Variants in CTNNA2 observed in about 807,000 individuals in gnomAD.
CTNNA2 encodes the protein catenin alpha 2.
CTNNA2 carries 42 observed loss-of-function variants against 101.0 expected under a neutral mutation model. The ratio of observed to expected loss-of-function variants is 0.42; its 90% CI spans 0.32 to 0.54. The LOEUF (loss-of-function observed/expected upper bound fraction) is 0.54. Ranked by LOEUF, CTNNA2 falls within the 20% of genes least tolerant of loss-of-function variation. The pLI, the probability that CTNNA2 is intolerant of heterozygous loss-of-function variation, is 0.14. For synonymous variants in CTNNA2, 450 were observed against 456.4 expected, an observed-to-expected ratio of 0.99 and a Z score of 0.18; for missense variants, 871 against 1,223.1, an observed-to-expected ratio of 0.71 and a Z score of 4.29.
chr2:80,557,187 T>A (rs1693121278), intron 12 of CTNNA2, among the ~76,000 whole-genome samples: 1 of 152,136 alleles, frequency 6.6e-6, no homozygotes, highest in South Asian at 2.1e-4. Flanking sequence ...AGACTTAGAC[T>A]TAGACATAAT....
intron 7 of CTNNA2, among the ~76,000 whole-genome samples, chr2:80,324,076 C>A (rs1345244679): frequency 2.0e-5 from 3 of 152,114 alleles, no homozygotes; most frequent in African/African-American, 7.2e-5. Context: ...ATTAATCCTC[C>A]CCCTACCCCC....
rs558544485 is a variant in CTNNA2, at chr2:79,513,056, A to C, written c.-157A>C. On this transcript the variant is annotated 5_prime_UTR_variant, in exon 1 of 19. Coordinates refer to ENST00000402739, the MANE Select transcript of CTNNA2 (RefSeq NM_001282597.3). ...GGAGACCCAGGCGGGCGGGCAGAGC[A>C]GGCGGCACCGCACCTCGGCCAGAGG... 2.6e-4 allele frequency: 39 copies of C among 152,432 alleles called. No homozygotes were observed. Among genetic ancestry groups the C allele is most frequent in the African/African-American group, 9.2e-4 (38 of 41,524 alleles). 9.4% of individuals were successfully genotyped at this position (152,432 alleles called of 1,614,324 possible).
chr2:79,933,281 T>C (rs1337585265), intron 7 of CTNNA2, among the ~76,000 whole-genome samples: 1 of 152,168 alleles, frequency 6.6e-6, no homozygotes, highest in African/African-American at 2.4e-5. Context: ...GGATATTTAT[T>C]GTGTACCCAC....
At chr2:79,663,544 G>T (rs1218088157) in intron 2 of CTNNA2, among the ~76,000 whole-genome samples, 1 of 152,154 alleles carries the variant, frequency 6.6e-6, no homozygotes, top group Non-Finnish European at 1.5e-5. Context: ...ATGGGCGGAT[G>T]CTGCCCTTCT....
intron 7 of CTNNA2, among the ~76,000 whole-genome samples, chr2:79,953,486 T>C (rs909184864): frequency 6.6e-6 from 1 of 152,188 alleles, no homozygotes; most frequent in Non-Finnish European, 1.5e-5. Context: ...CCAATTTGTA[T>C]GACTGTTTGC....
intron 7 of CTNNA2, among the ~76,000 whole-genome samples, chr2:80,334,965 C>A (rs769498966): frequency 2.6e-5 from 4 of 152,066 alleles, no homozygotes; most frequent in Non-Finnish European, 5.9e-5. Flanking sequence ...GAGTAGTTCC[C>A]AATAAGTTAT....
At chr2:80,137,676 G>C (rs558183622) in intron 7 of CTNNA2, among the ~76,000 whole-genome samples, 1 of 152,102 alleles carries the variant, frequency 6.6e-6, no homozygotes, top group South Asian at 2.1e-4. Context: ...ATACTCAGAC[G>C]TAGGACCATG....
At chr2:80,197,462 A>G (rs1457489097) in intron 7 of CTNNA2, among the ~76,000 whole-genome samples, 1 of 152,318 alleles carries the variant, frequency 6.6e-6, no homozygotes, top group South Asian at 2.1e-4. Context: ...CAGTCTCAAT[A>G]TAAGGCAGAT....
At chr2:80,130,846 G>A (rs2148894040) in intron 7 of CTNNA2, among the ~76,000 whole-genome samples, 1 of 151,530 alleles carries the variant, frequency 6.6e-6, no homozygotes, top group East Asian at 1.9e-4. Flanking sequence ...AATAGGGGAT[G>A]GAAATAGAAA....
chr2:80,198,388 G>T (rs1426700023), intron 7 of CTNNA2, among the ~76,000 whole-genome samples: 3 of 152,220 alleles, frequency 2.0e-5, no homozygotes, highest in Non-Finnish European at 2.9e-5. Context: ...GAAGATGAAA[G>T]AAATTAGTAT....
chr2:79,603,720 T>G (rs1295580812), intron 1 of CTNNA2, among the ~76,000 whole-genome samples: 1 of 152,136 alleles, frequency 6.6e-6, no homozygotes, highest in Non-Finnish European at 1.5e-5. Flanking sequence ...TGCCTGAAAT[T>G]GTTGGTGGCA....
chr2:79,770,192 G>T (rs933114775), intron 3 of CTNNA2, among the ~76,000 whole-genome samples: 2 of 152,138 alleles, frequency 1.3e-5, no homozygotes, highest in South Asian at 2.1e-4. Flanking sequence ...TCACAGCAAA[G>T]AATTATCTAG....
chr2:79,217,273 A>G (rs1301664496), intron 2 of CTNNA2, among the ~76,000 whole-genome samples: 1 of 152,200 alleles, frequency 6.6e-6, no homozygotes, highest in African/African-American at 2.4e-5. Context: ...TGATCCCCCA[A>G]GGGAGGTCCC....
At chr2:79,299,501 G>C (rs906889288) in intron 2 of CTNNA2, among the ~76,000 whole-genome samples, 1 of 152,174 alleles carries the variant, frequency 6.6e-6, no homozygotes, top group Non-Finnish European at 1.5e-5. Context: ...CCGATTCTAA[G>C]AGGTTGTTCT....
At chr2:79,651,941 C>T (rs1022647454) in intron 2 of CTNNA2, among the ~76,000 whole-genome samples, 2 of 152,148 alleles carry the variant, frequency 1.3e-5, no homozygotes, top group Non-Finnish European at 2.9e-5. Context: ...GGTTCAAAGT[C>T]TAAATAAACT....
At chr2:79,920,494 A>C (rs371472157) in intron 7 of CTNNA2, among the ~76,000 whole-genome samples, 4 of 152,226 alleles carry the variant, frequency 2.6e-5, no homozygotes, top group African/African-American at 4.8e-5. Context: ...GGCTGCAAAT[A>C]AATATTTTTT....
At chr2:79,835,651 G>A (rs923925472) in intron 3 of CTNNA2, among the ~76,000 whole-genome samples, 3 of 133,556 alleles carry the variant, frequency 2.2e-5, no homozygotes, top group Admixed American at 7.6e-5. Context: ...CTGTGCTGCA[G>A]AATGGCCTCT....
At chr2:79,275,372 A>G (rs184534710) in intron 2 of CTNNA2, among the ~76,000 whole-genome samples, 2 of 152,176 alleles carry the variant, frequency 1.3e-5, no homozygotes, top group African/African-American at 2.4e-5. Flanking sequence ...TCATAAAAAA[A>G]TACAGATTAA....
intron 4 of CTNNA2, among the ~76,000 whole-genome samples, chr2:79,496,913 A>T (rs1671262330): frequency 6.6e-6 from 1 of 152,180 alleles, no homozygotes; most frequent in Non-Finnish European, 1.5e-5. Flanking sequence ...TGCTTTCTTT[A>T]CTTTGAGAAA....
Sources: allele counts gnomAD v4.1 joint callset (sites outside exome capture counted in the v4.1 genomes callset), GRCh38; gene constraint gnomAD v4.1.1; transcripts MANE v1.5; gene names NCBI Gene and HGNC (gene_info 2026-07-23, HGNC 2026-07-21).